Variants in PCDHA2 observed in about 807,000 individuals in gnomAD.
The protein encoded by PCDHA2 is protocadherin alpha 2, also known as protocadherin alpha-2.
Under a neutral mutation model 66.0 loss-of-function variants are expected in PCDHA2, and 58 were observed. The ratio of observed to expected loss-of-function variants is 0.88; its 90% CI spans 0.71 to 1.09. The LOEUF (loss-of-function observed/expected upper bound fraction) is 1.09. PCDHA2 is among the 50% of genes least tolerant of loss of function. The probability of loss-of-function intolerance (pLI) is 0.00; values close to 1 mark genes in which losing one functional copy is unlikely to be tolerated. For missense variants in PCDHA2, 1,267 were observed against 1,242.3 expected (o/e 1.02, Z -0.30); for synonymous variants, 634 against 554.0 (o/e 1.14, Z -2.03).
At chr5:140,941,253 T>TTCTTTCTTTCTC (rs1563187863) in intron 1 of PCDHA2, among the ~76,000 whole-genome samples, 4 of 64,962 alleles carry the variant, frequency 6.2e-5, no homozygotes, top group Non-Finnish European at 1.0e-4. Flanking sequence ...CTTTCTTTCT[T>TTCTTTCTTTCTC]TCTCTTTCTT....
In PCDHA2 at chr5:140,805,414, G is replaced by T. The variant is rs940665607; in HGVS notation, c.2388+8062G>T. 2.4e-5 allele frequency: 26 copies of T among 1,064,258 alleles called. No homozygotes were observed. The South Asian group carries it at 3.2e-4, about 13-fold the overall frequency. 65.9% of individuals were successfully genotyped at this position (1,064,258 alleles called of 1,614,324 possible). A position where few individuals can be genotyped will look rare whatever the true frequency, so the allele number is the denominator to read the frequency against. ...TCTGTTTGATTCAGAAATTTGGTGG[G>T]TTTTTTGTTGTTGTTTTGGTTTTTG... On this transcript the variant is annotated intron_variant, in intron 1 of 3. Coordinates refer to ENST00000526136, the MANE Select transcript of PCDHA2 (RefSeq NM_018905.3).
At chr5:140,888,956 G>A (rs1043287613) in intron 1 of PCDHA2, among the ~76,000 whole-genome samples, 1 of 151,722 alleles carries the variant, frequency 6.6e-6, no homozygotes, top group Non-Finnish European at 1.5e-5. Context: ...TTTTTCTTTG[G>A]CAATGTTAAT....
At chr5:140,801,260 C>T (rs1290805371) in intron 1 of PCDHA2, 2 of 1,613,632 alleles carry the variant, frequency 1.2e-6, no homozygotes, top group African/African-American at 2.7e-5. Flanking sequence ...TTCTGCTCCT[C>T]GCAGCCTCGG....
intron 1 of PCDHA2, among the ~76,000 whole-genome samples, chr5:140,846,106 A>G (rs1477023892): frequency 7.3e-5 from 11 of 149,704 alleles, no homozygotes; most frequent in African/African-American, 2.7e-4. Flanking sequence ...GAATGTGTAG[A>G]CTATCTTACT....
At chr5:140,848,866 A>G (rs200652127) in intron 1 of PCDHA2, 6 of 1,590,776 alleles carry the variant, frequency 3.8e-6, no homozygotes, top group Admixed American at 1.7e-5. Flanking sequence ...GTGGAGGTGA[A>G]GGACATTAAC....
intron 1 of PCDHA2, among the ~76,000 whole-genome samples, chr5:140,911,380 T>C (rs1365945638): frequency 4.6e-5 from 7 of 152,212 alleles, no homozygotes; most frequent in African/African-American, 1.7e-4. Flanking sequence ...AGGCTGTGCA[T>C]GCACCTTTCA....
intron 3 of PCDHA2, among the ~76,000 whole-genome samples, chr5:141,000,496 C>T (rs1257530549): frequency 7.4e-6 from 1 of 134,362 alleles, no homozygotes; most frequent in Non-Finnish European, 1.5e-5. Context: ...GGTAAGATCT[C>T]GGCTCACTGC....
intron 2 of PCDHA2, among the ~76,000 whole-genome samples, chr5:140,981,529 G>A (rs1014315292): frequency 3.9e-5 from 6 of 152,196 alleles, no homozygotes; most frequent in East Asian, 1.9e-4. Flanking sequence ...AGCTGAGATC[G>A]TGCCACTGTA....
At chr5:140,915,582 G>T (rs991142864) in intron 1 of PCDHA2, among the ~76,000 whole-genome samples, 1 of 151,936 alleles carries the variant, frequency 6.6e-6, no homozygotes, top group Non-Finnish European at 1.5e-5. Context: ...CCAGGCAAAA[G>T]CACTTGTTCT....
chr5:140,827,852 A>C (rs1554130902), intron 1 of PCDHA2: 2 of 494,614 alleles, frequency 4.0e-6, no homozygotes, highest in Non-Finnish European at 6.9e-6. Context: ...ACTGTTTTAA[A>C]AATATATGGT....
chr5:140,978,661 T>A (rs1035787381), intron 1 of PCDHA2, among the ~76,000 whole-genome samples: 15 of 152,246 alleles, frequency 9.9e-5, no homozygotes, highest in Admixed American at 9.8e-4. Context: ...CCGTAGTGTT[T>A]TAAGAACACA....
At position 140,841,428 on chromosome 5, in the gene PCDHA2, C is replaced by A. The variant is rs2150315251; in HGVS notation, c.2388+44076C>A. Reference sequence around the variant, plus strand: ...AGCGGCCAGCTCCACTACTCCGTCCCCGAGGAGGCCAAACACGGCACCTTC... The same window carrying A: ...AGCGGCCAGCTCCACTACTCCGTCCACGAGGAGGCCAAACACGGCACCTTC... On this transcript the variant is annotated intron_variant, in intron 1 of 3. Coordinates refer to ENST00000526136, the MANE Select transcript of PCDHA2 (RefSeq NM_018905.3). The A allele has an allele frequency of 7.4e-6, 12 of 1,612,842 alleles. No homozygotes were observed. The highest frequency in any genetic ancestry group is 5.0e-5 in the Admixed American group (3 of 59,990).
At chr5:140,823,599 T>G (rs1554129472) in intron 1 of PCDHA2, 2 of 1,614,006 alleles carry the variant, frequency 1.2e-6, no homozygotes, top group Non-Finnish European at 1.7e-6. Flanking sequence ...GGCTTTCGTA[T>G]GAGCTGCAGC....
intron 1 of PCDHA2, chr5:140,853,603 G>T (rs1358386755): frequency 1.0e-6 from 1 of 987,254 alleles, no homozygotes; most frequent in Non-Finnish European, 1.2e-6. Context: ...GAGAGCAAAG[G>T]GGGTGCTGTA....
chr5:140,809,131 G>A, intron 1 of PCDHA2: 1 of 1,614,044 alleles, frequency 6.2e-7, no homozygotes, highest in Non-Finnish European at 8.5e-7. Context: ...ACCGCCTACT[G>A]GTACTGGTGA....
At chr5:140,801,938 T>C (rs1762816728) in intron 1 of PCDHA2, 1 of 1,614,192 alleles carries the variant, frequency 6.2e-7, no homozygotes, top group South Asian at 1.1e-5. Context: ...GGACGATCTA[T>C]AAAGTCAGAT....
chr5:140,993,463 CACA>C (rs1563592017), intron 3 of PCDHA2, among the ~76,000 whole-genome samples: 29 of 7,582 alleles, frequency 3.8e-3, no homozygotes, highest in African/African-American at 0.016. Flanking sequence ...CTTTCTTTCT[CACA>C]CACACACACA....
intron 1 of PCDHA2, chr5:140,876,978 C>T (rs1206745884): frequency 1.2e-5 from 20 of 1,612,518 alleles, no homozygotes; most frequent in African/African-American, 6.7e-5. Flanking sequence ...TGGGCGAGCA[C>T]GCACTGTCGA....
intron 1 of PCDHA2, among the ~76,000 whole-genome samples, chr5:140,847,151 G>C (rs1780878525): frequency 6.7e-6 from 1 of 149,540 alleles, no homozygotes; most frequent in Non-Finnish European, 1.5e-5. Flanking sequence ...AAGATCTCTT[G>C]ATTTCTGAGT....
Sources: gnomAD v4.1 joint callset for allele counts (sites outside exome capture counted in the v4.1 genomes callset) on GRCh38, gnomAD v4.1.1 for gene constraint, MANE v1.5 for transcripts, NCBI Gene and HGNC (gene_info 2026-07-23, HGNC 2026-07-21) for gene names.